GTF2IRD1: variants seen among roughly 807,000 people sequenced by gnomAD.
GTF2IRD1 encodes GTF2I repeat domain containing 1.
Under a neutral mutation model 113.2 loss-of-function variants are expected in GTF2IRD1, and 26 were observed. The observed-to-expected ratio is 0.23, with a 90% confidence interval of 0.17 to 0.32. GTF2IRD1 has a LOEUF of 0.32. Among genes scored for constraint, GTF2IRD1 ranks in the 10% least tolerant of loss-of-function variants. The pLI, the probability that GTF2IRD1 is intolerant of heterozygous loss-of-function variation, is 1.00. For missense variants in GTF2IRD1, 864 were observed against 1,280.8 expected (o/e 0.67, Z 4.97); for synonymous variants, 484 against 529.1 (o/e 0.91, Z 1.17).
chr7:74,563,758 C>T (rs1233746823), intron 22 of GTF2IRD1, among the ~76,000 whole-genome samples: 1 of 151,716 alleles, frequency 6.6e-6, no homozygotes, highest in African/African-American at 2.4e-5. Context: ...CGGTGGCACG[C>T]ACCTGTAGTC....
chr7:74,572,684 C>G (rs922801967), intron 22 of GTF2IRD1: 23 of 243,594 alleles, frequency 9.4e-5, no homozygotes, highest in Admixed American at 2.0e-4. Flanking sequence ...TCCCCACCCC[C>G]TCTCTACCCT....
chr7:74,455,716 C>G (rs1476237848), intron 1 of GTF2IRD1, among the ~76,000 whole-genome samples: 3 of 152,186 alleles, frequency 2.0e-5, no homozygotes, highest in Non-Finnish European at 4.4e-5. Flanking sequence ...CCCAAGGTGA[C>G]AGGGTATCGG....
intron 23 of GTF2IRD1, 68 bp downstream of exon 23, chr7:74,589,996 G>C (rs1583972192): frequency 9.9e-7 from 1 of 1,011,748 alleles, no homozygotes; most frequent in Non-Finnish European, 1.5e-6. Flanking sequence ...GCCTCCCTCT[G>C]CAGCCAGCCT....
intron 24 of GTF2IRD1, among the ~76,000 whole-genome samples, chr7:74,592,555 A>G (rs376911766): frequency 2.9e-4 from 43 of 146,782 alleles, no homozygotes; most frequent in African/African-American, 8.8e-4. Context: ...TTTTTTTAAG[A>G]TGGAGTTTTG....
chr7:74,518,181 A>AGAGGCTGCTCAGGGAGCC lies in GTF2IRD1; in HGVS notation c.465_482dup (p.Arg156_Pro161dup). ...GCCAGTGTGGTGCCACTGCCCTATG[A>AGAGGCTGCTCAGGGAGCC]GAGGCTGCTCAGGGAGCCAGGGCTG... On this transcript the variant is annotated inframe_insertion, in exon 5 of 27. Transcript: ENST00000424337. 6.2e-7 allele frequency: 1 copy of AGAGGCTGCTCAGGGAGCC among 1,609,558 alleles called. No individual in the cohort carries two copies. The highest frequency in any genetic ancestry group is 8.5e-7 in the Non-Finnish European group (1 of 1,178,200).
chr7:74,596,470 A>G (rs1251551542), intron 25 of GTF2IRD1, among the ~76,000 whole-genome samples: 4 of 150,936 alleles, frequency 2.7e-5, no homozygotes, highest in East Asian at 3.9e-4. Context: ...AAAAAAAAAA[A>G]AAAAAAGAAA....
chr7:74,534,565 G>T (rs142508019), intron 9 of GTF2IRD1, among the ~76,000 whole-genome samples: 1 of 152,096 alleles, frequency 6.6e-6, no homozygotes, highest in African/African-American at 2.4e-5. Flanking sequence ...CAGGAAATTA[G>T]AATAGAACCA....
intron 22 of GTF2IRD1, among the ~76,000 whole-genome samples, chr7:74,569,251 C>T (rs1583913318): frequency 6.6e-6 from 1 of 152,234 alleles, no homozygotes; most frequent in Non-Finnish European, 1.5e-5. Context: ...CCATCCCGCA[C>T]GTCCACGCGT....
Position 74,589,874 on chromosome 7 carries a change from G to GGGGAGAAGGTGATCCTGC in GTF2IRD1, c.2350_2367dup (p.Lys784_Glu789dup), listed in dbSNP as rs1554368910. 1 of 1,611,772 alleles carries GGGGAGAAGGTGATCCTGC rather than the reference G, an allele frequency of 6.2e-7. No individual in the cohort carries two copies. Among genetic ancestry groups the GGGGAGAAGGTGATCCTGC allele is most frequent in the Non-Finnish European group, 8.5e-7 (1 of 1,178,180 alleles). On this transcript the variant is annotated inframe_insertion, in exon 23 of 27. Coordinates refer to ENST00000424337, the MANE Select transcript of GTF2IRD1 (RefSeq NM_005685.4). ...AGATGAAGATGACGCCAACAGACTC[G>GGGGAGAAGGTGATCCTGC]GGGAGAAGGTGATCCTGCGGGAGCA...
chr7:74,511,913 C>T (rs1186542594), intron 2 of GTF2IRD1, among the ~76,000 whole-genome samples: 3 of 152,124 alleles, frequency 2.0e-5, no homozygotes, highest in Admixed American at 6.6e-5. Flanking sequence ...CTGCAGACCT[C>T]GACTCTGGGG....
At chr7:74,513,364 G>A (rs1260864486) in intron 3 of GTF2IRD1, among the ~76,000 whole-genome samples, 1 of 152,158 alleles carries the variant, frequency 6.6e-6, no homozygotes, top group Non-Finnish European at 1.5e-5. Flanking sequence ...GGAGTGCAGT[G>A]GCACAATTTT....
intron 24 of GTF2IRD1, 106 bp from the exon 25 acceptor site, chr7:74,594,908 C>A: frequency 1.5e-6 from 1 of 653,962 alleles, no homozygotes; most frequent in Non-Finnish European, 2.7e-6. Context: ...GCTGAAATTG[C>A]GCCACTGCAC....
intron 1 of GTF2IRD1, among the ~76,000 whole-genome samples, chr7:74,471,342 C>T (rs776259418): frequency 4.0e-5 from 6 of 151,898 alleles, no homozygotes; most frequent in South Asian, 2.1e-4. Flanking sequence ...CTGAGACCAG[C>T]TTAGACAGCC....
intron 1 of GTF2IRD1, among the ~76,000 whole-genome samples, chr7:74,467,236 C>T (rs797039672): frequency 2.6e-5 from 4 of 152,104 alleles, no homozygotes; most frequent in African/African-American, 9.6e-5. Context: ...GGGGTGAGCC[C>T]CCATGCCCGG....
Position 74,590,956 on chromosome 7 carries a change from C to A in GTF2IRD1, c.2530C>A (p.Arg844=). 6.2e-7 allele frequency: 1 copy of A among 1,613,488 alleles called. No individual in the cohort carries two copies. Among genetic ancestry groups the A allele is most frequent in the Non-Finnish European group, 8.5e-7 (1 of 1,179,864 alleles). The change falls in exon 24 of 27, where the codon CGG becomes AGG. Residue 844 remains arginine, a synonymous_variant. Coordinates refer to ENST00000424337, the MANE Select transcript of GTF2IRD1 (RefSeq NM_005685.4). ...FRNPNTYDIH[R]LEKILKAREH... Reference sequence around the variant, plus strand: ...GAACCCCAACACGTACGACATCCACCGGCTGGAGAAGATCCTGAAGGCCCG... The same window carrying A: ...GAACCCCAACACGTACGACATCCACAGGCTGGAGAAGATCCTGAAGGCCCG...
chr7:74,536,948 C>T (rs1798331896), intron 11 of GTF2IRD1, among the ~76,000 whole-genome samples: 1 of 151,798 alleles, frequency 6.6e-6, no homozygotes, highest in Non-Finnish European at 1.5e-5. Context: ...CTTGTCTCTA[C>T]AAAAAATAAA....
intron 22 of GTF2IRD1, 107 bp from the exon 23 acceptor site, chr7:74,589,744 C>T (rs1363926083): frequency 5.8e-6 from 4 of 688,542 alleles, no homozygotes; most frequent in Admixed American, 2.3e-5. Context: ...GTCGGCCCTG[C>T]AGAGAATGTA....
At chr7:74,596,350 A>G (rs781976957) in intron 25 of GTF2IRD1, among the ~76,000 whole-genome samples, 5 of 151,382 alleles carry the variant, frequency 3.3e-5, no homozygotes, top group Non-Finnish European at 7.4e-5. Flanking sequence ...AATCCCAGCT[A>G]CTTGGGGGCT....
At chr7:74,516,585 TCTC>T (rs1314385799) in intron 4 of GTF2IRD1, among the ~76,000 whole-genome samples, 4 of 150,588 alleles carry the variant, frequency 2.7e-5, no homozygotes, top group Non-Finnish European at 5.9e-5. Context: ...CTTTATCCCT[TCTC>T]CTACTGTAGC....
Sources: allele counts gnomAD v4.1 joint callset (sites outside exome capture counted in the v4.1 genomes callset), GRCh38; gene constraint gnomAD v4.1.1; transcripts MANE v1.5; gene names NCBI Gene and HGNC (gene_info 2026-07-23, HGNC 2026-07-21).